The following CHST8 variants were observed in gnomAD, a reference collection of about 807,000 sequenced individuals.
The protein encoded by CHST8 is carbohydrate sulfotransferase 8.
CHST8 carries 10 observed loss-of-function variants against 15.0 expected under a neutral mutation model. The observed-to-expected ratio is 0.67, with a 90% confidence interval of 0.41 to 1.13. The LOEUF (loss-of-function observed/expected upper bound fraction) is 1.13, where lower values mean the gene tolerates loss of function less well. Ranked by LOEUF, CHST8 falls within the 50% of genes most tolerant of loss-of-function variation. The pLI is 0.00. For missense variants in CHST8, 634 were observed against 608.2 expected (o/e 1.04, Z -0.45); for synonymous variants, 259 against 256.6 (o/e 1.01, Z -0.09).
chr19:33,705,362 A>C (rs1449701585), intron 3 of CHST8, among the ~76,000 whole-genome samples: 1 of 152,174 alleles, frequency 6.6e-6, no homozygotes, highest in Non-Finnish European at 1.5e-5. Flanking sequence ...TTCACTGTTC[A>C]GGTCAGGCAG....
intron 3 of CHST8, among the ~76,000 whole-genome samples, chr19:33,702,329 C>T (rs1366569745): frequency 1.3e-5 from 2 of 152,244 alleles, no homozygotes; most frequent in Admixed American, 1.3e-4. Context: ...GTCACCCAGG[C>T]TGCAGTGCAG....
intron 3 of CHST8, among the ~76,000 whole-genome samples, chr19:33,758,671 C>T (rs1974655329): frequency 6.6e-6 from 1 of 152,224 alleles, no homozygotes; most frequent in Non-Finnish European, 1.5e-5. Context: ...GGCTGCCGTC[C>T]TGGCTGCCTG....
chr19:33,690,441 A>ATG (rs1271411590), intron 3 of CHST8, among the ~76,000 whole-genome samples: 2 of 152,168 alleles, frequency 1.3e-5, no homozygotes, highest in East Asian at 3.9e-4. Context: ...AGCACCCATG[A>ATG]TGTGTGGCCT....
At chr19:33,642,094 A>T (rs988379895) in intron 1 of CHST8, among the ~76,000 whole-genome samples, 1 of 152,116 alleles carries the variant, frequency 6.6e-6, no homozygotes, top group East Asian at 1.9e-4. Context: ...AACCACCAAG[A>T]CCACAGGCCA....
intron 3 of CHST8, among the ~76,000 whole-genome samples, chr19:33,691,786 G>C (rs1405943014): frequency 6.6e-6 from 1 of 152,206 alleles, no homozygotes; most frequent in Non-Finnish European, 1.5e-5. Context: ...ACACATTCTG[G>C]GAGTTGCCCT....
intron 3 of CHST8, among the ~76,000 whole-genome samples, chr19:33,747,704 T>C (rs1974340920): frequency 6.6e-6 from 1 of 152,204 alleles, no homozygotes; most frequent in South Asian, 2.1e-4. Flanking sequence ...TAGAATTCTG[T>C]TTCTGAAACT....
At chr19:33,738,228 G>T (rs1247398382) in intron 3 of CHST8, among the ~76,000 whole-genome samples, 1 of 152,152 alleles carries the variant, frequency 6.6e-6, no homozygotes, top group Non-Finnish European at 1.5e-5. Context: ...GAGCTAAAAG[G>T]CCCTGAAAAT....
At chr19:33,771,075 C>A (rs1008742533) in intron 3 of CHST8, among the ~76,000 whole-genome samples, 1 of 152,072 alleles carries the variant, frequency 6.6e-6, no homozygotes, top group Admixed American at 6.6e-5. Context: ...GAGGAGGTGG[C>A]CTGTGAGAGT....
chr19:33,750,040 G>C (rs1011996970), intron 3 of CHST8, among the ~76,000 whole-genome samples: 1 of 152,204 alleles, frequency 6.6e-6, no homozygotes, highest in Non-Finnish European at 1.5e-5. Context: ...CTGGGAGACC[G>C]AAACGCCCTG....
chr19:33,750,760 C>T lies in CHST8; in HGVS notation c.131-20653C>T, dbSNP rs573113931. On this transcript the variant is annotated intron_variant, in intron 3 of 4. Transcript: ENST00000650847. The stretch of plus-strand genomic sequence containing the variant: ...CAAGGCCCCAGGCACCAGCCGCCCA[C>T]CCCCAACGGAGGGAAGAGGCAGTGG... 2.6e-5 allele frequency among the ~76,000 whole-genome samples: 4 copies of T among 152,340 alleles called. No individual in the cohort carries two copies. In the East Asian group the frequency reaches 7.7e-4, roughly 29 times the overall value.
chr19:33,751,284 A>G (rs1027964928), intron 3 of CHST8, among the ~76,000 whole-genome samples: 23 of 152,056 alleles, frequency 1.5e-4, no homozygotes, highest in Admixed American at 3.9e-4. Context: ...GCACAGAGCC[A>G]CCCTCCCGCT....
chr19:33,701,340 A>G (rs2145278108), intron 3 of CHST8, among the ~76,000 whole-genome samples: 1 of 152,292 alleles, frequency 6.6e-6, no homozygotes, highest in East Asian at 1.9e-4. Flanking sequence ...CCAGAGCCTC[A>G]CTTTCCTTTG....
intron 3 of CHST8, 142 bp from the exon 4 acceptor site, chr19:33,771,271 C>T: frequency 2.5e-6 from 2 of 795,864 alleles, no homozygotes; most frequent in East Asian, 2.4e-5. Flanking sequence ...CAGCACTGAG[C>T]CATGCCCTAA....
At chr19:33,698,973 G>A (rs905256754) in intron 3 of CHST8, among the ~76,000 whole-genome samples, 1 of 152,200 alleles carries the variant, frequency 6.6e-6, no homozygotes, top group Non-Finnish European at 1.5e-5. Context: ...TGGGAGAGGG[G>A]CTGGCAGCTC....
At chr19:33,661,737 A>C (rs1972587644) in intron 1 of CHST8, among the ~76,000 whole-genome samples, 1 of 152,104 alleles carries the variant, frequency 6.6e-6, no homozygotes, top group Non-Finnish European at 1.5e-5. Context: ...GTCTTTTTAA[A>C]AGGACAGTTT....
intron 3 of CHST8, among the ~76,000 whole-genome samples, chr19:33,720,317 C>T (rs1973761621): frequency 4.0e-5 from 6 of 151,656 alleles, no homozygotes; most frequent in African/African-American, 1.5e-4. Flanking sequence ...ATCACATATA[C>T]ACACTGCACA....
intron 2 of CHST8, among the ~76,000 whole-genome samples, chr19:33,684,353 G>C: frequency 6.6e-6 from 1 of 152,222 alleles, no homozygotes; most frequent in Non-Finnish European, 1.5e-5. Flanking sequence ...CCCGGCAGGG[G>C]CCTGGGTGTG....
At position 33,689,376 on chromosome 19, in the gene CHST8, C is replaced by A; in HGVS notation, c.115C>A (p.Pro39Thr). ...ISLQDPTELA[P>T]QQVPGIKFNI... is the part of the protein sequence containing the mutation. ...CCTGCAGGACCCTACGGAGCTCGCC[C>A]CCCAGCAGGTGCCAGGTGAGTCCTT... is the stretch of plus-strand genomic sequence containing the variant. Residue 39 changes from proline (P) to threonine (T), a missense_variant, in exon 3 of 5, where the codon CCC becomes ACC. Pro to Thr is a conservative substitution (Grantham distance 38). Coordinates refer to ENST00000650847, the MANE Select transcript of CHST8 (RefSeq NM_001127895.2). 2 of 1,598,018 alleles carry A rather than the reference C, an allele frequency of 1.3e-6. No homozygotes were observed. Among genetic ancestry groups the A allele is most frequent in the Non-Finnish European group, 1.7e-6 (2 of 1,174,718 alleles).
intron 2 of CHST8, among the ~76,000 whole-genome samples, chr19:33,669,594 A>G (rs1972709179): frequency 6.6e-6 from 1 of 152,200 alleles, no homozygotes; most frequent in South Asian, 2.1e-4. Context: ...CCTGCCACCC[A>G]TCTGTGCAAA....
Sources: gnomAD v4.1 joint callset for allele counts (sites outside exome capture counted in the v4.1 genomes callset) on GRCh38, gnomAD v4.1.1 for gene constraint, MANE v1.5 for transcripts, NCBI Gene and HGNC (gene_info 2026-07-23, HGNC 2026-07-21) for gene names.